Variants in CSNK1G3 observed in about 807,000 individuals in gnomAD.
CSNK1G3 encodes the protein casein kinase I isoform gamma-3.
Under a neutral mutation model 64.3 loss-of-function variants are expected in CSNK1G3, and 23 were observed. The observed-to-expected ratio is 0.36, with a 90% CI of 0.26 to 0.51. The LOEUF (loss-of-function observed/expected upper bound fraction) is 0.51, where lower values mean the gene tolerates loss of function less well. CSNK1G3 is among the 20% of genes least tolerant of loss of function. The pLI, the probability that CSNK1G3 is intolerant of heterozygous loss-of-function variation, is 0.96. For missense variants in CSNK1G3, 357 were observed against 510.5 expected (o/e 0.70, Z 2.90); for synonymous variants, 158 against 162.2 (o/e 0.97, Z 0.20).
At chr5:123,575,196 T>A (rs1312850920) in intron 5 of CSNK1G3, among the ~76,000 whole-genome samples, 1 of 152,202 alleles carries the variant, frequency 6.6e-6, no homozygotes, top group Non-Finnish European at 1.5e-5. Flanking sequence ...GCTTCAAGAT[T>A]AATCATTTTT....
intron 6 of CSNK1G3, 50 bp from the exon 7 acceptor site, chr5:123,588,018 A>G: frequency 8.3e-7 from 1 of 1,205,204 alleles, no homozygotes; most frequent in Middle Eastern, 2.0e-4. Context: ...CCATTCTTCC[A>G]TTCTTAACTG....
chr5:123,596,281 T>G (rs1483148729), intron 10 of CSNK1G3, among the ~76,000 whole-genome samples: 1 of 152,132 alleles, frequency 6.6e-6, no homozygotes, highest in Non-Finnish European at 1.5e-5. Context: ...GTGAAGAACT[T>G]AGAGGCAAGA....
chr5:123,577,127 A>G (rs1789325624), intron 6 of CSNK1G3, among the ~76,000 whole-genome samples: 1 of 152,046 alleles, frequency 6.6e-6, no homozygotes, highest in Non-Finnish European at 1.5e-5. Flanking sequence ...ACATGTTCTC[A>G]TGAATCTTTG....
chr5:123,543,452 T>TA (rs1479443826), intron 1 of CSNK1G3, among the ~76,000 whole-genome samples: 1 of 152,172 alleles, frequency 6.6e-6, no homozygotes, highest in Non-Finnish European at 1.5e-5. Flanking sequence ...TCGGTTTTTT[T>TA]AGACTATTCC....
At chr5:123,596,842 A>G (rs1381985063) in intron 10 of CSNK1G3, among the ~76,000 whole-genome samples, 1 of 152,178 alleles carries the variant, frequency 6.6e-6, no homozygotes, top group Non-Finnish European at 1.5e-5. Context: ...ATTAACTGAC[A>G]CATGATATGA....
At chr5:123,615,231 T>G (rs1749260498) in exon 13 of CSNK1G3, 1 of 152,634 alleles carries the variant, frequency 6.6e-6, no homozygotes, top group Non-Finnish European at 1.5e-5. Context: ...GTTGGAGTTA[T>G]AAAGAAATAC....
At chr5:123,545,302 A>G (rs551305732) in intron 1 of CSNK1G3, 115 bp from the exon 2 acceptor site, 5 of 164,544 alleles carry the variant, frequency 3.0e-5, no homozygotes, top group East Asian at 1.7e-4. Context: ...TTTGATTTCA[A>G]TGGGCATCAA....
At chr5:123,591,298 C>T (rs923172108) in intron 9 of CSNK1G3, 21 bp from the exon 10 acceptor site, 6 of 1,466,748 alleles carry the variant, frequency 4.1e-6, no homozygotes, top group Non-Finnish European at 5.6e-6. Context: ...TGTATTGATA[C>T]CAATTGTTAT....
chr5:123,535,744 T>C (rs1037054492), intron 1 of CSNK1G3, among the ~76,000 whole-genome samples: 1 of 152,274 alleles, frequency 6.6e-6, no homozygotes, highest in East Asian at 1.9e-4. Context: ...TTTCTTGTCA[T>C]GTATCTTTAT....
intron 4 of CSNK1G3, among the ~76,000 whole-genome samples, chr5:123,571,887 A>G (rs760558717): frequency 3.9e-5 from 6 of 152,204 alleles, no homozygotes; most frequent in Non-Finnish European, 7.3e-5. Flanking sequence ...ACTTGTCTAA[A>G]AGAAAATGAT....
intron 1 of CSNK1G3, among the ~76,000 whole-genome samples, chr5:123,525,463 AC>A: frequency 6.6e-6 from 1 of 151,958 alleles, no homozygotes; most frequent in Non-Finnish European, 1.5e-5. Flanking sequence ...GGCGTGTGCC[AC>A]CACGCCCCGC....
intron 2 of CSNK1G3, 67 bp from the exon 3 acceptor site, chr5:123,553,040 A>T: frequency 1.2e-6 from 1 of 852,142 alleles, no homozygotes; most frequent in Non-Finnish European, 1.8e-6. Flanking sequence ...TTTTCAGAGT[A>T]CAGTTTTATA....
rs866303019 is a variant in CSNK1G3, at chr5:123,516,881, A to T, written c.-248+4311A>T. Among the ~76,000 whole-genome samples the T allele has an allele frequency of 1.4e-4, 22 of 152,238 alleles. No homozygotes were observed. The South Asian group carries it at 2.3e-3, about 16-fold the overall frequency. ...AGTTGTATTCAAATTTATTACATTT[A>T]TTTAGATCACTTTGTGTTACCTGGA... On this transcript the variant is annotated intron_variant, in intron 1 of 12. Coordinates refer to ENST00000345990, the Ensembl canonical transcript of CSNK1G3.
intron 11 of CSNK1G3, 47 bp from the exon 13 acceptor site, chr5:123,605,292 C>G: frequency 6.5e-7 from 1 of 1,531,082 alleles, no homozygotes; most frequent in South Asian, 1.2e-5. Context: ...CTGATTCTCT[C>G]TCTCTCTTTT....
At chr5:123,523,034 A>T (rs190451346) in intron 1 of CSNK1G3, among the ~76,000 whole-genome samples, 2 of 152,290 alleles carry the variant, frequency 1.3e-5, no homozygotes, top group African/African-American at 4.8e-5. Flanking sequence ...TACTAATAAA[A>T]AGTTATTCAT....
rs367948242 is a variant in CSNK1G3 at position 123,566,695 on chromosome 5, T to C, written c.290-6698T>C. Reference sequence around the variant, plus strand: ...TTGTTTGCTCAGTGATTAAAAAAACTGTCCAGACTTGTTCTGGGAAATAAA... The same window carrying C: ...TTGTTTGCTCAGTGATTAAAAAAACCGTCCAGACTTGTTCTGGGAAATAAA... On this transcript the variant is annotated intron_variant, in intron 4 of 12. Coordinates refer to ENST00000345990, the Ensembl canonical transcript of CSNK1G3. 3.3e-5 allele frequency among the ~76,000 whole-genome samples: 5 copies of C among 152,338 alleles called. No individual in the cohort carries two copies. In the East Asian group the frequency reaches 5.8e-4, roughly 18 times the overall value.
intron 4 of CSNK1G3, among the ~76,000 whole-genome samples, chr5:123,558,456 A>G (rs1785040406): frequency 6.6e-6 from 1 of 152,206 alleles, no homozygotes; most frequent in Admixed American, 6.6e-5. Flanking sequence ...TTCTTGTATA[A>G]TACAGGTAGA....
chr5:123,591,699 A>T (rs766562307), intron 10 of CSNK1G3, among the ~76,000 whole-genome samples: 3 of 152,200 alleles, frequency 2.0e-5, no homozygotes, highest in East Asian at 1.9e-4. Context: ...TAACACTTGG[A>T]CTTTCTAACT....
At chr5:123,519,444 A>G (rs1777721350) in intron 1 of CSNK1G3, among the ~76,000 whole-genome samples, 1 of 152,256 alleles carries the variant, frequency 6.6e-6, no homozygotes, top group Admixed American at 6.5e-5. Context: ...TTGAAAGATT[A>G]TAATTTTTTT....
Sources: allele counts gnomAD v4.1 joint callset (sites outside exome capture counted in the v4.1 genomes callset), GRCh38; gene constraint gnomAD v4.1.1; transcripts MANE v1.5; gene names NCBI Gene and HGNC (gene_info 2026-07-23, HGNC 2026-07-21).